Variants in PSMG4 observed in about 807,000 individuals in gnomAD.
PSMG4 encodes proteasome (prosome, macropain) assembly chaperone 4.
PSMG4 carries 10 observed loss-of-function variants against 11.0 expected under a neutral mutation model. That is an observed-to-expected ratio of 0.91 (90% CI 0.56 to 1.54). The LOEUF is 1.54. Among genes scored for constraint, PSMG4 ranks in the 40% most tolerant of loss-of-function variants. PSMG4 has a pLI of 0.00. For synonymous variants in PSMG4, 95 were observed against 71.3 expected (o/e 1.33, Z -1.68); for missense variants, 198 against 160.9 (o/e 1.23, Z -1.25).
chr6:3,263,928 A>G, intron 2 of PSMG4, 169 bp downstream of exon 2: 4 of 1,418,386 alleles, frequency 2.8e-6, no homozygotes, highest in Non-Finnish European at 2.8e-6. Flanking sequence ...TAAGGGGCAC[A>G]TTCCATGCTC....
At position 3,264,206 on chromosome 6, in the gene PSMG4, C is replaced by G. The variant is rs80307918; in HGVS notation, c.250+447C>G. ...TGTCCTCACTCAGTGTGATACCGTT[C>G]AGGGCTCGGAGGGAAGACTGGCCTG... On this transcript the variant is annotated intron_variant, in intron 2 of 2. Coordinates refer to ENST00000438998, the MANE Select transcript of PSMG4 (RefSeq NM_001128591.2). 8,279 of 1,551,556 alleles carry G rather than the reference C, an allele frequency of 5.3e-3. 252 individuals carry two copies. In the East Asian group the frequency reaches 0.085, roughly 16 times the overall value.
chr6:3,255,158 A>C (rs959893059), upstream of PSMG4: 1 of 1,550,868 alleles, frequency 6.4e-7, no homozygotes, highest in African/African-American at 1.4e-5. Context: ...GAGCAGGGCC[A>C]TACTGACGGC....
chr6:3,255,339 T>C, upstream of PSMG4: 1 of 1,465,148 alleles, frequency 6.8e-7, no homozygotes, highest in South Asian at 1.4e-5. Context: ...GGTGGAGTCA[T>C]TCTATGTAGT....
chr6:3,257,301 C>T (rs756129877), upstream of PSMG4, among the ~76,000 whole-genome samples: 4 of 152,164 alleles, frequency 2.6e-5, no homozygotes, highest in Non-Finnish European at 2.9e-5. Flanking sequence ...GGCTGTGACC[C>T]TCTGCCTGTG....
upstream of PSMG4, among the ~76,000 whole-genome samples, chr6:3,258,354 G>A (rs952656075): frequency 6.6e-6 from 1 of 152,172 alleles, no homozygotes; most frequent in Non-Finnish European, 1.5e-5. Context: ...GTCCAAAAGG[G>A]TGCCTGCCCA....
upstream of PSMG4, among the ~76,000 whole-genome samples, chr6:3,254,664 A>T (rs1465961555): frequency 1.3e-5 from 2 of 152,140 alleles, no homozygotes; most frequent in Non-Finnish European, 2.9e-5. Context: ...TTGTTCCTTC[A>T]AGCTGCGAAA....
chr6:3,263,086 T>G (rs899842513), intron 1 of PSMG4, among the ~76,000 whole-genome samples: 12 of 152,230 alleles, frequency 7.9e-5, no homozygotes, highest in African/African-American at 1.4e-4. Flanking sequence ...CCTTACTGCT[T>G]CTTGTCTGAA....
At chr6:3,254,980 G>C, upstream of PSMG4, 2 of 1,481,390 alleles carry the variant, frequency 1.4e-6, no homozygotes, top group Non-Finnish European at 1.8e-6. Context: ...ATGTGGCTGT[G>C]GATCCCATGG....
intron 2 of PSMG4, chr6:3,266,512 A>G (rs1758187261): frequency 6.6e-6 from 1 of 152,196 alleles, no homozygotes; most frequent in Middle Eastern, 3.2e-3. Flanking sequence ...GTGAGGCTAA[A>G]GGAGGAGGCC....
chr6:3,255,059 A>G (rs987441658), upstream of PSMG4: 2 of 1,550,744 alleles, frequency 1.3e-6, no homozygotes, highest in East Asian at 2.4e-5. Context: ...AGGAACAAAC[A>G]CACTTGGAAT....
upstream of PSMG4, among the ~76,000 whole-genome samples, chr6:3,256,681 C>A (rs948698702): frequency 1.3e-5 from 2 of 152,214 alleles, no homozygotes; most frequent in Non-Finnish European, 2.9e-5. Flanking sequence ...GTGAATACCG[C>A]CCTTGCAGTA....
chr6:3,255,193 A>T, upstream of PSMG4: 6 of 1,550,578 alleles, frequency 3.9e-6, no homozygotes, highest in Non-Finnish European at 5.2e-6. Flanking sequence ...TGGTGGAAGT[A>T]GGATGTTTGG....
chr6:3,267,964 G>A lies in PSMG4; in HGVS notation c.*252G>A. ...GAGGGATGAAATGGGATTTTTGTTGGGATTGAAGACTGTAATCTAAGAGTT... is the reference window on the plus strand; with the variant it reads ...GAGGGATGAAATGGGATTTTTGTTGAGATTGAAGACTGTAATCTAAGAGTT... On this transcript the variant is annotated 3_prime_UTR_variant, in exon 3 of 3. Transcript: ENST00000438998. The A allele has an allele frequency of 2.9e-6, 1 of 340,498 alleles. No homozygotes were observed. The highest frequency in any genetic ancestry group is 5.5e-6 in the Non-Finnish European group (1 of 182,022). 21.1% of individuals were successfully genotyped at this position (340,498 alleles called of 1,614,324 possible).
At chr6:3,259,608 T>G (rs1757897055) in intron 1 of PSMG4, among the ~76,000 whole-genome samples, 1 of 151,944 alleles carries the variant, frequency 6.6e-6, no homozygotes, top group South Asian at 2.1e-4. Flanking sequence ...CACATCAGGC[T>G]CTCTTCTCCA....
chr6:3,264,463 G>A (rs1442683016), intron 2 of PSMG4: 1 of 1,415,740 alleles, frequency 7.1e-7, no homozygotes, highest in African/African-American at 1.4e-5. Context: ...CTGTGTCTCA[G>A]GCACAGGACC....
Position 3,267,926 on chromosome 6 carries a change from G to T in PSMG4, c.*214G>T, listed in dbSNP as rs1171449564. On this transcript the variant is annotated 3_prime_UTR_variant, in exon 3 of 3. Transcript: ENST00000438998. Reference sequence around the variant, plus strand: ...TGGGCAGTATATACTTCCTCATTTGGCTGTGAGTGATAGAGGGATGAAATG... The same window carrying T: ...TGGGCAGTATATACTTCCTCATTTGTCTGTGAGTGATAGAGGGATGAAATG... The T allele has an allele frequency of 1.8e-5, 8 of 439,792 alleles. No individual in the cohort carries two copies. The highest frequency in any genetic ancestry group is 4.7e-4 in the Middle Eastern group (1 of 2,126). 27.2% of individuals were successfully genotyped at this position (439,792 alleles called of 1,614,324 possible).
intron 2 of PSMG4, chr6:3,266,900 G>T (rs1758203642): frequency 6.6e-6 from 1 of 151,356 alleles, no homozygotes. Flanking sequence ...CTATTGCCCA[G>T]GCTGGAGTGC....
chr6:3,254,424 A>G (rs13190719), upstream of PSMG4, among the ~76,000 whole-genome samples: 112,348 of 151,894 alleles, frequency 0.74, 42,897 homozygotes, highest in Non-Finnish European at 0.84. Flanking sequence ...CTGAGGAGGT[A>G]TGGCTTTGTG....
intron 1 of PSMG4, among the ~76,000 whole-genome samples, chr6:3,260,108 T>G (rs1176083715): frequency 2.5e-5 from 1 of 39,364 alleles, no homozygotes; most frequent in Admixed American, 2.3e-4. Context: ...CCTGGCTAAT[T>G]GTGTTTTTTT....
Sources: gnomAD v4.1 joint callset for allele counts (sites outside exome capture counted in the v4.1 genomes callset) on GRCh38, gnomAD v4.1.1 for gene constraint, MANE v1.5 for transcripts, NCBI Gene and HGNC (gene_info 2026-07-23, HGNC 2026-07-21) for gene names.